The following SLC12A7 variants were observed in gnomAD, a reference collection of about 807,000 sequenced individuals.
The protein encoded by SLC12A7 is solute carrier family 12 member 7, also known as K-Cl cotransporter 4.
Under a neutral mutation model 120.6 loss-of-function variants are expected in SLC12A7, and 100 were observed. The ratio of observed to expected loss-of-function variants is 0.83; its 90% CI spans 0.71 to 0.98. The LOEUF (loss-of-function observed/expected upper bound fraction) is 0.98, where lower values mean the gene tolerates loss of function less well. Ranked by LOEUF, SLC12A7 falls within the 50% of genes least tolerant of loss-of-function variation. The probability of loss-of-function intolerance (pLI) is 0.00; values close to 1 mark genes in which losing one functional copy is unlikely to be tolerated. For missense variants in SLC12A7, 1,373 were observed against 1,548.1 expected, an observed-to-expected ratio of 0.89 and a Z score of 1.90; for synonymous variants, 760 against 678.0, an observed-to-expected ratio of 1.12 and a Z score of -1.88.
At chr5:1,129,278 C>T in the SLC12A7 span, among the ~76,000 whole-genome samples, 1 of 152,184 alleles carries the variant, frequency 6.6e-6, no homozygotes, top group African/African-American at 2.4e-5. Context: ...TACAACGCCT[C>T]CTGGCTCCAA....
chr5:1,054,574 G>A (rs904331760), intron 22 of SLC12A7, among the ~76,000 whole-genome samples: 33 of 152,326 alleles, frequency 2.2e-4, no homozygotes, highest in African/African-American at 7.7e-4. Context: ...CTTGAAAGTC[G>A]GAGCGGGTCT....
chr5:1,136,525 T>G, the SLC12A7 span, among the ~76,000 whole-genome samples: 4,510 of 39,140 alleles, frequency 0.12, 793 homozygotes, highest in African/African-American at 0.33. Context: ...CCAACACCAG[T>G]ACACGCAGGC....
the SLC12A7 span, among the ~76,000 whole-genome samples, chr5:1,152,584 A>C: frequency 6.6e-6 from 1 of 151,200 alleles, no homozygotes. Context: ...AAGCTAGAGA[A>C]GGGAGTCCCC....
chr5:1,140,862 G>T, the SLC12A7 span, among the ~76,000 whole-genome samples: 1 of 152,170 alleles, frequency 6.6e-6, no homozygotes, highest in Non-Finnish European at 1.5e-5. Flanking sequence ...AGGTGACCAC[G>T]CCATGGGAGA....
At chr5:1,098,805 T>A (rs34396314) in intron 1 of SLC12A7, among the ~76,000 whole-genome samples, 1,408 of 49,670 alleles carry the variant, frequency 0.028, 412 homozygotes, top group Non-Finnish European at 0.043. Context: ...AACCCTCTGC[T>A]CACCCAGCCG....
chr5:1,093,412 G>A (rs1000511002), intron 3 of SLC12A7, 121 bp downstream of exon 3: 16 of 999,234 alleles, frequency 1.6e-5, no homozygotes, highest in Admixed American at 6.6e-5. Flanking sequence ...AGGGCTGGAC[G>A]TGGCCATGAT....
At position 1,053,384 on chromosome 5, in the gene SLC12A7, G is replaced by A. The variant is rs1561022694; in HGVS notation, c.3125C>T (p.Pro1042Leu). 1 of 1,613,988 alleles carries A rather than the reference G, an allele frequency of 6.2e-7. No individual in the cohort carries two copies. Among genetic ancestry groups the A allele is most frequent in the Non-Finnish European group, 8.5e-7 (1 of 1,180,004 alleles). Reference protein sequence around the residue: ...QDAQLVLLNMPGPPKNRQGDE... With the variant: ...QDAQLVLLNMLGPPKNRQGDE... Reference sequence around the variant, plus strand: ...TCCCTGCCGGTTTTTGGGAGGACCTGGCATGTTGAGCAGGACCAGCTGCGC... The same window carrying A: ...TCCCTGCCGGTTTTTGGGAGGACCTAGCATGTTGAGCAGGACCAGCTGCGC... Residue 1042 changes from proline (P) to leucine (L), a missense_variant, in exon 23 of 24, where the codon CCA becomes CTA. Transcript: ENST00000264930.
At chr5:1,107,007 G>C (rs1352266130) in intron 1 of SLC12A7, among the ~76,000 whole-genome samples, 1 of 152,188 alleles carries the variant, frequency 6.6e-6, no homozygotes, top group South Asian at 2.1e-4. Context: ...TGACTGTGTC[G>C]AAGGTAAATG....
the SLC12A7 span, among the ~76,000 whole-genome samples, chr5:1,135,894 C>G: frequency 2.4e-3 from 358 of 152,300 alleles, no homozygotes; most frequent in African/African-American, 8.1e-3. Flanking sequence ...ACATCCAAAA[C>G]GCACTCCCCG....
chr5:1,113,756 G>A (rs1474071606), upstream of SLC12A7, among the ~76,000 whole-genome samples: 1 of 152,184 alleles, frequency 6.6e-6, no homozygotes, highest in African/African-American at 2.4e-5. Flanking sequence ...AGATCCAGGG[G>A]GTGGGAACAG....
the SLC12A7 span, among the ~76,000 whole-genome samples, chr5:1,152,684 G>T: frequency 6.7e-6 from 1 of 148,274 alleles, no homozygotes; most frequent in African/African-American, 2.5e-5. Flanking sequence ...GACGCCCCCC[G>T]GACCATGCAC....
At chr5:1,145,083 C>A in the SLC12A7 span, among the ~76,000 whole-genome samples, 1 of 152,262 alleles carries the variant, frequency 6.6e-6, no homozygotes, top group African/African-American at 2.4e-5. The surrounding 1 kb of genome is among the most constrained non-coding windows in gnomAD (Gnocchi z 4.4). Context: ...TGGAGAGAGC[C>A]TGCGTGGGAC....
chr5:1,056,549 G>A (rs776553182), intron 22 of SLC12A7: 111 of 982,732 alleles, frequency 1.1e-4, no homozygotes, highest in Non-Finnish European at 1.3e-4. Context: ...AACCGGGCCC[G>A]GAAGGCGACC....
At chr5:1,077,164 C>A (rs1437818337) in intron 12 of SLC12A7, among the ~76,000 whole-genome samples, 1 of 152,194 alleles carries the variant, frequency 6.6e-6, no homozygotes, top group Admixed American at 6.5e-5. Context: ...GCCACCCTCA[C>A]CTCCCAGAAG....
chr5:1,135,786 G>C, the SLC12A7 span, among the ~76,000 whole-genome samples: 1 of 152,326 alleles, frequency 6.6e-6, no homozygotes, highest in Admixed American at 6.5e-5. Context: ...GAACACACCA[G>C]GTCTCTTGCA....
chr5:1,065,158 G>C, intron 18 of SLC12A7, 125 bp downstream of exon 18: 1 of 734,700 alleles, frequency 1.4e-6, no homozygotes, highest in Middle Eastern at 2.6e-4. Flanking sequence ...CAGTGGGGAC[G>C]AAAAGGGGAC....
At chr5:1,109,941 G>T (rs1742867378) in intron 1 of SLC12A7, among the ~76,000 whole-genome samples, 1 of 152,228 alleles carries the variant, frequency 6.6e-6, no homozygotes, top group African/African-American at 2.4e-5. Context: ...CTTGTGGTGT[G>T]GACCCCACAC....
intron 3 of SLC12A7, among the ~76,000 whole-genome samples, chr5:1,091,030 C>T (rs1740439797): frequency 6.6e-6 from 1 of 152,176 alleles, no homozygotes; most frequent in Non-Finnish European, 1.5e-5. Context: ...GGAGTCACTG[C>T]CAACTGAAAC....
chr5:1,075,898 T>G, intron 14 of SLC12A7: 1 of 533,412 alleles, frequency 1.9e-6, no homozygotes, highest in Non-Finnish European at 3.3e-6. Flanking sequence ...CACCTGGGCA[T>G]CCTCGTAACC....
Sources: allele counts gnomAD v4.1 joint callset (sites outside exome capture counted in the v4.1 genomes callset), GRCh38; gene constraint gnomAD v4.1.1; non-coding constraint Gnocchi (gnomAD v3.1); transcripts MANE v1.5; gene names NCBI Gene and HGNC (gene_info 2026-07-23, HGNC 2026-07-21).